SEZ6L: variants seen among roughly 807,000 people sequenced by gnomAD.
SEZ6L encodes the protein seizure related 6 homolog like.
SEZ6L carries 37 observed loss-of-function variants against 106.2 expected under a neutral mutation model. That is an observed-to-expected ratio of 0.35 (90% CI 0.27 to 0.46). The LOEUF (loss-of-function observed/expected upper bound fraction) is 0.46, where lower values mean the gene tolerates loss of function less well. Among genes scored for constraint, SEZ6L ranks in the 20% least tolerant of loss-of-function variants. SEZ6L has a pLI of 1.00. For missense variants in SEZ6L, 1,172 were observed against 1,332.8 expected, an observed-to-expected ratio of 0.88 and a Z score of 1.88; for synonymous variants, 541 against 570.4, an observed-to-expected ratio of 0.95 and a Z score of 0.73.
chr22:26,188,065 A>G (rs958455087), intron 1 of SEZ6L, among the ~76,000 whole-genome samples: 3 of 152,128 alleles, frequency 2.0e-5, no homozygotes, highest in Non-Finnish European at 4.4e-5. Flanking sequence ...TCATGTAGAG[A>G]AGAGAGTTGA....
At chr22:26,276,000 G>A (rs1050464263) in intron 1 of SEZ6L, among the ~76,000 whole-genome samples, 3 of 152,170 alleles carry the variant, frequency 2.0e-5, no homozygotes, top group Admixed American at 6.5e-5. Flanking sequence ...GCATAAGTGT[G>A]TGGTCAACCA....
chr22:26,309,912 GATGAGAAAAC>G (rs2081762404), intron 6 of SEZ6L, among the ~76,000 whole-genome samples: 1 of 89,610 alleles, frequency 1.1e-5, no homozygotes, highest in Admixed American at 9.7e-5. Context: ...CCATTTTACA[GATGAGAAAAC>G]AGAGGCTCAG....
chr22:26,372,111 G>A (rs1286488443), intron 13 of SEZ6L, among the ~76,000 whole-genome samples: 1 of 152,150 alleles, frequency 6.6e-6, no homozygotes, highest in African/African-American at 2.4e-5. Flanking sequence ...TGAAATAACT[G>A]GGGGAGTCCA....
intron 9 of SEZ6L, among the ~76,000 whole-genome samples, chr22:26,315,046 G>A (rs2081958776): frequency 6.6e-6 from 1 of 152,250 alleles, no homozygotes; most frequent in Non-Finnish European, 1.5e-5. Context: ...GTGGTTGGGG[G>A]CGGAGAGAGT....
chr22:26,336,220 G>C (rs1413333906), intron 9 of SEZ6L, among the ~76,000 whole-genome samples: 1 of 151,916 alleles, frequency 6.6e-6, no homozygotes, highest in Non-Finnish European at 1.5e-5. Flanking sequence ...GAAGTTCTAG[G>C]GACTCAACAC....
At chr22:26,245,555 T>G (rs2079307930) in intron 1 of SEZ6L, among the ~76,000 whole-genome samples, 1 of 152,184 alleles carries the variant, frequency 6.6e-6, no homozygotes, top group Admixed American at 6.5e-5. Flanking sequence ...CTTTAAGTTT[T>G]TGTGATGACT....
intron 1 of SEZ6L, among the ~76,000 whole-genome samples, chr22:26,180,379 G>C (rs553674098): frequency 6.6e-6 from 1 of 152,076 alleles, no homozygotes; most frequent in African/African-American, 2.4e-5. Context: ...GCCTCCCTCC[G>C]TGCTGTACAA....
At chr22:26,299,214 G>A in intron 5 of SEZ6L, 45 bp downstream of exon 5, 1 of 1,325,104 alleles carries the variant, frequency 7.5e-7, no homozygotes. Flanking sequence ...GTCCAACTAA[G>A]AGGGGAAAGA....
rs545732954 is a variant in SEZ6L, at chr22:26,189,888, G to A, written c.94+20125G>A. On this transcript the variant is annotated intron_variant, in intron 1 of 16. Coordinates refer to ENST00000248933, the MANE Select transcript of SEZ6L (RefSeq NM_021115.5). ...CGAGGCGGGCGGGTCACGAGGTCAG[G>A]AGATCGAGACCATCCTGGCTAAGAT... Among the ~76,000 whole-genome samples the A allele has an allele frequency of 1.7e-4, 26 of 152,256 alleles. 1 individual carries two copies. In the South Asian group the frequency reaches 5.4e-3, roughly 32 times the overall value.
At chr22:26,336,952 A>G (rs2145980470) in intron 9 of SEZ6L, among the ~76,000 whole-genome samples, 1 of 152,290 alleles carries the variant, frequency 6.6e-6, no homozygotes, top group Non-Finnish European at 1.5e-5. Flanking sequence ...GACGATAGTG[A>G]TGATGGTGAT....
chr22:26,294,352 T>C lies in SEZ6L; in HGVS notation c.896T>C (p.Leu299Pro). Residue 299 changes from leucine to proline, a missense_variant, in exon 3 of 17, where the codon CTG becomes CCG. Physicochemically the swap from Leu to Pro is moderately conservative, Grantham distance 98 (BLOSUM62 -3). Coordinates refer to ENST00000248933, the MANE Select transcript of SEZ6L (RefSeq NM_021115.5). The stretch of plus-strand genomic sequence containing the variant: ...TACATTGACTCCAGCGACTACCCAC[T>C]GCTGCCCCTCAACAACTTTCTGGAG... Reference protein sequence around the residue: ...EGYIDSSDYPLLPLNNFLECT... With the variant: ...EGYIDSSDYPPLPLNNFLECT... The C allele has an allele frequency of 6.2e-7, 1 of 1,614,094 alleles. No individual in the cohort carries two copies. The highest frequency in any genetic ancestry group is 8.5e-7 in the Non-Finnish European group (1 of 1,179,974).
intron 1 of SEZ6L, among the ~76,000 whole-genome samples, chr22:26,226,653 T>G (rs1374026958): frequency 6.6e-5 from 10 of 152,202 alleles, no homozygotes; most frequent in Non-Finnish European, 1.3e-4. Context: ...ATAAGTTTAC[T>G]GAACACCCAA....
chr22:26,231,326 C>T (rs1299042683), intron 1 of SEZ6L, among the ~76,000 whole-genome samples: 2 of 152,178 alleles, frequency 1.3e-5, no homozygotes, highest in Non-Finnish European at 2.9e-5. Context: ...CAATGGTAAA[C>T]TGACATGGAA....
intron 1 of SEZ6L, among the ~76,000 whole-genome samples, chr22:26,289,715 A>G (rs2081049183): frequency 6.6e-6 from 1 of 152,224 alleles, no homozygotes; most frequent in Non-Finnish European, 1.5e-5. Context: ...TGCAGTCTAT[A>G]TAGATTAAGC....
At chr22:26,314,339 T>C (rs985700101) in intron 9 of SEZ6L, among the ~76,000 whole-genome samples, 2 of 152,244 alleles carry the variant, frequency 1.3e-5, no homozygotes, top group African/African-American at 4.8e-5. Flanking sequence ...GTTGGAGTGA[T>C]GCATCCCAAA....
intron 1 of SEZ6L, among the ~76,000 whole-genome samples, chr22:26,243,501 G>A (rs2079210151): frequency 6.6e-6 from 1 of 152,194 alleles, no homozygotes; most frequent in South Asian, 2.1e-4. Flanking sequence ...ACCACACTGG[G>A]GATGTGCAGG....
At chr22:26,362,854 AC>A (rs1386366564) in intron 12 of SEZ6L, among the ~76,000 whole-genome samples, 2 of 152,150 alleles carry the variant, frequency 1.3e-5, no homozygotes, top group African/African-American at 4.8e-5. Context: ...AAACCCTTCA[AC>A]CTCAAGAGTG....
intron 9 of SEZ6L, among the ~76,000 whole-genome samples, chr22:26,333,465 G>C (rs1305226269): frequency 6.6e-6 from 1 of 152,200 alleles, no homozygotes; most frequent in African/African-American, 2.4e-5. Flanking sequence ...CACTGGCTGA[G>C]AGGAGTCCCC....
At chr22:26,304,438 G>A (rs2081573650) in intron 5 of SEZ6L, among the ~76,000 whole-genome samples, 1 of 144,064 alleles carries the variant, frequency 6.9e-6, no homozygotes. Flanking sequence ...GAAAAAGAAA[G>A]GAAAGAAAAT....
Sources: gnomAD v4.1 joint callset for allele counts (sites outside exome capture counted in the v4.1 genomes callset) on GRCh38, gnomAD v4.1.1 for gene constraint, MANE v1.5 for transcripts, NCBI Gene and HGNC (gene_info 2026-07-23, HGNC 2026-07-21) for gene names.